Variants in KANK1 observed in about 807,000 individuals in gnomAD.
KANK1 encodes the protein KN motif and ankyrin repeat domains 1, also known as KN motif and ankyrin repeat domain-containing protein 1.
Under a neutral mutation model 106.2 loss-of-function variants are expected in KANK1, and 109 were observed. The ratio of observed to expected loss-of-function variants is 1.03; its 90% CI spans 0.88 to 1.20. The LOEUF (loss-of-function observed/expected upper bound fraction) is 1.20, where lower values mean the gene tolerates loss of function less well. KANK1 is among the 50% of genes most tolerant of loss of function. KANK1 has a pLI of 0.00. For missense variants in KANK1, 2,399 were observed against 1,710.7 expected (o/e 1.40, Z -7.10); for synonymous variants, 873 against 652.2 (o/e 1.34, Z -5.16).
At chr9:611,502 C>A (rs1830546877) in intron 1 of KANK1, among the ~76,000 whole-genome samples, 1 of 152,184 alleles carries the variant, frequency 6.6e-6, no homozygotes, top group African/African-American at 2.4e-5. Flanking sequence ...GCTCCTTGCA[C>A]AGAAGCTGAA....
At chr9:550,330 C>A (rs1461873482) in intron 1 of KANK1, among the ~76,000 whole-genome samples, 1 of 152,166 alleles carries the variant, frequency 6.6e-6, no homozygotes, top group Non-Finnish European at 1.5e-5. Flanking sequence ...AAACCTCCTT[C>A]TTATTTAATA....
At chr9:658,864 T>G (rs928808729) in intron 1 of KANK1, among the ~76,000 whole-genome samples, 5 of 152,146 alleles carry the variant, frequency 3.3e-5, no homozygotes, top group African/African-American at 1.2e-4. Flanking sequence ...ACCTTTCCCC[T>G]AGTTAACTCC....
chr9:624,526 G>A (rs898972596), intron 1 of KANK1, among the ~76,000 whole-genome samples: 6 of 152,046 alleles, frequency 3.9e-5, no homozygotes, highest in African/African-American at 7.3e-5. Flanking sequence ...AAAACAGGCC[G>A]GGTGTGGTGG....
chr9:520,594 G>A (rs1186949306), intron 1 of KANK1, among the ~76,000 whole-genome samples: 2 of 151,738 alleles, frequency 1.3e-5, no homozygotes, highest in African/African-American at 2.4e-5. Context: ...CATAATGGAA[G>A]ACTATATTTA....
intron 1 of KANK1, among the ~76,000 whole-genome samples, chr9:527,179 G>A (rs772565595): frequency 6.6e-6 from 1 of 151,588 alleles, no homozygotes; most frequent in East Asian, 1.9e-4. Context: ...CTTCCTGAAG[G>A]CGTCCCTTCT....
intron 1 of KANK1, chr9:674,240 T>C (rs1296048116): frequency 1.3e-5 from 2 of 152,116 alleles, no homozygotes; most frequent in African/African-American, 4.8e-5. Context: ...GGAGCCATCC[T>C]ATCCTTCTGG....
At chr9:587,603 A>G (rs1823822070) in intron 1 of KANK1, among the ~76,000 whole-genome samples, 1 of 152,212 alleles carries the variant, frequency 6.6e-6, no homozygotes, top group African/African-American at 2.4e-5. Flanking sequence ...AGTTTTTAGA[A>G]TATGTGCATG....
At chr9:643,734 G>C (rs1036362736) in intron 1 of KANK1, among the ~76,000 whole-genome samples, 3 of 149,792 alleles carry the variant, frequency 2.0e-5, no homozygotes, top group African/African-American at 7.6e-5. Context: ...ACAGAGTCTC[G>C]CTCTGTTGCC....
chr9:637,400 A>T (rs1173234597), intron 1 of KANK1, among the ~76,000 whole-genome samples: 1 of 152,182 alleles, frequency 6.6e-6, no homozygotes, highest in Non-Finnish European at 1.5e-5. Flanking sequence ...CATTCATTTC[A>T]TTGTGACTAA....
At chr9:645,251 G>A (rs1450400293) in intron 1 of KANK1, among the ~76,000 whole-genome samples, 1 of 149,754 alleles carries the variant, frequency 6.7e-6, no homozygotes, top group Non-Finnish European at 1.5e-5. Flanking sequence ...GATCAGCCTG[G>A]CCAACATGGC....
chr9:657,353 C>T (rs890101891), intron 1 of KANK1, among the ~76,000 whole-genome samples: 4 of 152,056 alleles, frequency 2.6e-5, no homozygotes, highest in South Asian at 2.1e-4. Context: ...AATGTCTCTT[C>T]GAGTTCCTGT....
chr9:684,135 T>C (rs1818090923), intron 2 of KANK1: 3 of 982,732 alleles, frequency 3.1e-6, no homozygotes, highest in Non-Finnish European at 3.6e-6. Context: ...CTCTTAAGGC[T>C]TTGTTTTAAC....
intron 3 of KANK1, among the ~76,000 whole-genome samples, chr9:491,300 GCT>G (rs533164959): frequency 6.8e-5 from 10 of 146,034 alleles, no homozygotes; most frequent in Non-Finnish European, 1.5e-4. Context: ...ACAGAGTCTT[GCT>G]CTGTCACCAG....
At chr9:486,077 T>A (rs1262542528) in intron 3 of KANK1, among the ~76,000 whole-genome samples, 1 of 152,154 alleles carries the variant, frequency 6.6e-6, no homozygotes, top group African/African-American at 2.4e-5. Context: ...GAATCTCGCC[T>A]GACTCCAAAA....
At chr9:706,919 A>G (rs2130709053) in intron 2 of KANK1, 1 of 985,472 alleles carries the variant, frequency 1.0e-6, no homozygotes, top group South Asian at 4.7e-5. Context: ...AGAGATGCTT[A>G]AAGTGCTAGC....
intron 1 of KANK1, among the ~76,000 whole-genome samples, chr9:644,487 G>C (rs1266054659): frequency 1.3e-5 from 2 of 151,014 alleles, no homozygotes; most frequent in African/African-American, 5.0e-5. Context: ...AGGAAACTTA[G>C]AATCATGGCA....
At chr9:637,460 C>G (rs563778682) in intron 1 of KANK1, among the ~76,000 whole-genome samples, 1 of 152,162 alleles carries the variant, frequency 6.6e-6, no homozygotes, top group African/African-American at 2.4e-5. Flanking sequence ...AGCAAAGTTT[C>G]ATAAATTTTA....
At chr9:650,896 A>C (rs75183736) in intron 1 of KANK1, among the ~76,000 whole-genome samples, 5,610 of 152,256 alleles carry the variant, frequency 0.037, 145 homozygotes, top group Non-Finnish European at 0.058. Flanking sequence ...CTGGAAGACT[A>C]AGAAAATAGG....
At chr9:633,127 G>A (rs1317444662) in intron 1 of KANK1, among the ~76,000 whole-genome samples, 1 of 151,982 alleles carries the variant, frequency 6.6e-6, no homozygotes, top group Non-Finnish European at 1.5e-5. Flanking sequence ...CCCATAAGAA[G>A]GATATTTAAT....
Sources: allele counts gnomAD v4.1 joint callset (sites outside exome capture counted in the v4.1 genomes callset), GRCh38; gene constraint gnomAD v4.1.1; transcripts MANE v1.5; gene names NCBI Gene and HGNC (gene_info 2026-07-23, HGNC 2026-07-21).